Variants in ARL6 observed in about 807,000 individuals in gnomAD.
ARL6 encodes ARF like GTPase 6.
ARL6 carries 18 observed loss-of-function variants against 27.1 expected under a neutral mutation model. The ratio of observed to expected loss-of-function variants is 0.66; its 90% confidence interval spans 0.46 to 0.98. The LOEUF (loss-of-function observed/expected upper bound fraction) is 0.98, where lower values mean the gene tolerates loss of function less well. Among genes scored for constraint, ARL6 ranks in the 50% least tolerant of loss-of-function variants. ARL6 has a pLI of 0.00. For missense variants in ARL6, 187 were observed against 214.9 expected (o/e 0.87, Z 0.81); for synonymous variants, 65 against 72.3 (o/e 0.90, Z 0.51).
At chr3:97,793,301 C>A (rs986857016) in intron 7 of ARL6, 1 of 152,168 alleles carries the variant, frequency 6.6e-6, no homozygotes, top group African/African-American at 2.4e-5. Flanking sequence ...GTGAACCCAG[C>A]AACTTAGTTT....
rs9854857 is a variant in ARL6, at chr3:97,780,885, T to C, written c.254+202T>C. ...TCCTTCATGACTTCGGGCCTTTGCA[T>C]GTACTATTCTCTCTGTTTTTAATGC... On this transcript the variant is annotated intron_variant, in intron 4 of 7. Coordinates refer to ENST00000463745, the MANE Select transcript of ARL6 (RefSeq NM_001278293.3). 0.48 allele frequency among the ~76,000 whole-genome samples: 73,237 copies of C among 151,912 alleles called. 18,261 individuals are homozygous for C. Among genetic ancestry groups the C allele is most frequent in the East Asian group, 0.69 (3,577 of 5,168 alleles).
At chr3:97,794,262 G>T (rs1259366678) in intron 7 of ARL6, among the ~76,000 whole-genome samples, 2 of 151,042 alleles carry the variant, frequency 1.3e-5, no homozygotes, top group South Asian at 4.2e-4. Context: ...ACCCAGGCTG[G>T]AGTGCAGTGG....
Position 97,783,520 on chromosome 3 carries a change from C to T in ARL6, c.255-1435C>T, listed in dbSNP as rs542813605. 7.2e-5 allele frequency among the ~76,000 whole-genome samples: 11 copies of T among 151,860 alleles called. No individual in the cohort carries two copies. The South Asian group carries it at 2.1e-3, about 29-fold the overall frequency. On this transcript the variant is annotated intron_variant, in intron 4 of 7. Transcript: ENST00000463745. ...CAAAATCTTGTATAAATCTTAGCCC[C>T]AGTTCGTGATTCCTTAGAATGAATT...
intron 7 of ARL6, among the ~76,000 whole-genome samples, chr3:97,792,961 G>A (rs1420922500): frequency 2.0e-5 from 3 of 151,998 alleles, no homozygotes; most frequent in Non-Finnish European, 4.4e-5. Context: ...CCAGTTGTGT[G>A]TGATTTTTTT....
rs1389029399 is a variant in ARL6, at chr3:97,790,061, G to GTGTGTT, written c.480-1705_480-1704insTTGTGT. ...TCCCTGGCATCATGATTGTGTGTGT[G>GTGTGTT]TGTGTGTGTGTGTGTGTGTGTGTGT... On this transcript the variant is annotated intron_variant, in intron 6 of 7. Transcript: ENST00000463745. 2.0e-5 allele frequency among the ~76,000 whole-genome samples: 3 copies of GTGTGTT among 151,042 alleles called. No homozygotes were observed. The East Asian group carries it at 5.8e-4, about 29-fold the overall frequency.
intron 1 of ARL6, among the ~76,000 whole-genome samples, chr3:97,765,364 G>T (rs2036332132): frequency 6.6e-6 from 1 of 152,122 alleles, no homozygotes; most frequent in African/African-American, 2.4e-5. Flanking sequence ...AGTTTACTAA[G>T]TATCATTCGT....
At chr3:97,777,803 T>C (rs1165854251) in intron 2 of ARL6, among the ~76,000 whole-genome samples, 1 of 152,220 alleles carries the variant, frequency 6.6e-6, no homozygotes, top group Non-Finnish European at 1.5e-5. Flanking sequence ...CATATCTTGT[T>C]CTACCCTAAT....
chr3:97,786,850 A>G (rs2037482359), intron 5 of ARL6, among the ~76,000 whole-genome samples: 1 of 152,220 alleles, frequency 6.6e-6, no homozygotes, highest in East Asian at 1.9e-4. Context: ...ATATATGGAA[A>G]GATTCTTGGC....
intron 2 of ARL6, among the ~76,000 whole-genome samples, chr3:97,775,173 T>G (rs182073089): frequency 1.7e-3 from 261 of 152,304 alleles, no homozygotes; most frequent in Non-Finnish European, 3.3e-3. Flanking sequence ...CTTAATATTC[T>G]GTTCCTCTAG....
intron 2 of ARL6, among the ~76,000 whole-genome samples, chr3:97,776,882 C>G (rs560734650): frequency 1.3e-5 from 2 of 152,192 alleles, no homozygotes; most frequent in Admixed American, 6.5e-5. Context: ...TGGTCTTGAA[C>G]TCATAACTTG....
chr3:97,770,833 T>C (rs2036604953), intron 2 of ARL6, among the ~76,000 whole-genome samples: 1 of 152,100 alleles, frequency 6.6e-6, no homozygotes, highest in African/African-American at 2.4e-5. Context: ...TGGATGTAAA[T>C]ACATGGATTT....
intron 2 of ARL6, among the ~76,000 whole-genome samples, chr3:97,771,538 A>C (rs1296477784): frequency 1.3e-5 from 2 of 150,374 alleles, no homozygotes; most frequent in African/African-American, 5.0e-5. Context: ...TGGAACTTCT[A>C]GTATTGTTTT....
In ARL6 at chr3:97,800,986, G is replaced by A. The variant is rs1419410327; in HGVS notation, c.*2937G>A. 1 of 152,092 alleles carries A rather than the reference G, an allele frequency of 6.6e-6. No individual in the cohort carries two copies. Among genetic ancestry groups the A allele is most frequent in the Non-Finnish European group, 1.5e-5 (1 of 68,018 alleles). The allele number at this position is 152,092 out of a possible 1,614,324, so 9.4% of individuals were successfully genotyped here. A position where few individuals can be genotyped will look rare whatever the true frequency, so the allele number is the denominator to read the frequency against. ...ATATCATCACATGTCATCACATAGG[G>A]GGTTAGAATTTCAACATAGAAATTT... is the stretch of plus-strand genomic sequence containing the variant. On this transcript the variant is annotated 3_prime_UTR_variant, in exon 8 of 8. Coordinates refer to ENST00000463745, the MANE Select transcript of ARL6 (RefSeq NM_001278293.3).
intron 4 of ARL6, among the ~76,000 whole-genome samples, chr3:97,782,261 A>C (rs1462158936): frequency 1.3e-5 from 2 of 151,988 alleles, no homozygotes; most frequent in African/African-American, 4.8e-5. Flanking sequence ...AAATGTATTT[A>C]GCTACTTTAA....
intron 6 of ARL6, among the ~76,000 whole-genome samples, chr3:97,789,074 A>G (rs1389285331): frequency 2.0e-5 from 3 of 152,184 alleles, no homozygotes; most frequent in Admixed American, 6.5e-5. Context: ...AACTTTAGGA[A>G]CTAGTTTTGG....
chr3:97,766,615 A>G (rs2036393657), intron 1 of ARL6: 1 of 152,246 alleles, frequency 6.6e-6, no homozygotes, highest in East Asian at 1.9e-4. Flanking sequence ...AATGTTGACT[A>G]TGCAACCTCC....
chr3:97,788,026 C>T lies in ARL6; in HGVS notation c.386C>T (p.Ala129Val). Reference sequence around the variant, plus strand: ...CGTCGAATTCCAATCTTATTCTTTGCAAATAAAATGGATCTTAGAGATGCA... The same window carrying T: ...CGTCGAATTCCAATCTTATTCTTTGTAAATAAAATGGATCTTAGAGATGCA... The part of the protein sequence containing the change: ...KHRRIPILFF[A>V]NKMDLRDAVT... The change falls in exon 6 of 8, where the codon GCA becomes GTA. Residue 129 changes from alanine (A) to valine (V), a missense_variant. Ala to Val is a moderately conservative substitution (Grantham distance 64, BLOSUM62 0). Transcript: ENST00000463745. 6.2e-7 allele frequency: 1 copy of T among 1,613,008 alleles called. No homozygotes were observed. The highest frequency in any genetic ancestry group is 8.5e-7 in the Non-Finnish European group (1 of 1,179,266).
chr3:97,779,384 A>G (rs1176600824), intron 2 of ARL6, among the ~76,000 whole-genome samples: 6 of 152,182 alleles, frequency 3.9e-5, no homozygotes, highest in Admixed American at 3.9e-4. Context: ...ATTCCTGAGC[A>G]CTTTTCTTCC....
At chr3:97,779,518 C>A (rs2037076536) in intron 2 of ARL6, among the ~76,000 whole-genome samples, 1 of 151,262 alleles carries the variant, frequency 6.6e-6, no homozygotes. Context: ...AAGGCAGGAA[C>A]CATCTACACA....
Sources: allele counts gnomAD v4.1 joint callset (sites outside exome capture counted in the v4.1 genomes callset), GRCh38; gene constraint gnomAD v4.1.1; transcripts MANE v1.5; gene names NCBI Gene and HGNC (gene_info 2026-07-23, HGNC 2026-07-21).